Variants in SHLD2 observed in about 807,000 individuals in gnomAD.
The protein encoded by SHLD2 is shieldin complex subunit 2.
SHLD2 carries 30 observed loss-of-function variants against 73.2 expected under a neutral mutation model. The ratio of observed to expected loss-of-function variants is 0.41; its 90% CI spans 0.31 to 0.56. The LOEUF is 0.56. Ranked by LOEUF, SHLD2 falls within the 20% of genes least tolerant of loss-of-function variation. The pLI is 0.28. For synonymous variants in SHLD2, 285 were observed against 370.1 expected (o/e 0.77, Z 2.64); for missense variants, 745 against 1,055.9 (o/e 0.71, Z 4.08).
At chr10:87,190,429 T>C in intron 9 of SHLD2, 55 bp from the exon 10 acceptor site, 3 of 1,368,620 alleles carry the variant, frequency 2.2e-6, no homozygotes, top group East Asian at 2.3e-5. Flanking sequence ...TCAATGTGTG[T>C]GCTCCTGTCA....
chr10:87,117,803 CCAAAAAA>C (rs761609940), intron 2 of SHLD2, among the ~76,000 whole-genome samples: 24 of 151,972 alleles, frequency 1.6e-4, no homozygotes, highest in African/African-American at 5.6e-4. Context: ...TCAAAAAACC[CCAAAAAA>C]CAAAAAACAG....
intron 8 of SHLD2, 77 bp downstream of exon 8, chr10:87,180,380 T>G: frequency 1.3e-6 from 2 of 1,540,432 alleles, no homozygotes; most frequent in Non-Finnish European, 1.8e-6. Flanking sequence ...AAACCCTTAC[T>G]TTCTAAAAAT....
intron 3 of SHLD2, among the ~76,000 whole-genome samples, chr10:87,157,385 TA>T (rs1461298171): frequency 6.6e-6 from 1 of 152,232 alleles, no homozygotes; most frequent in African/African-American, 2.4e-5. Context: ...GCCTTAGAGA[TA>T]GCTCCCTTCC....
rs374939521 is a variant in SHLD2, at chr10:87,133,674, G to A, written c.-5-17676G>A. ...AGGAAGCACGAAGTGTACACAGAACGATATAGCTGGAAAAAGTATATATGT... is the reference window on the plus strand; with the variant it reads ...AGGAAGCACGAAGTGTACACAGAACAATATAGCTGGAAAAAGTATATATGT... On this transcript the variant is annotated intron_variant, in intron 2 of 9. Coordinates refer to ENST00000298786, the MANE Select transcript of SHLD2 (RefSeq NM_001330112.2). Among the ~76,000 whole-genome samples, 7 of 152,328 alleles carry A rather than the reference G, an allele frequency of 4.6e-5. No individual in the cohort carries two copies. In the East Asian group the frequency reaches 7.7e-4, roughly 17 times the overall value.
intron 2 of SHLD2, among the ~76,000 whole-genome samples, chr10:87,149,724 CTAAA>C (rs200276976): frequency 9.3e-5 from 14 of 150,804 alleles, no homozygotes; most frequent in South Asian, 8.5e-4. Flanking sequence ...AACTCTGTCT[CTAAA>C]TAAATAAATA....
chr10:87,189,755 G>A (rs1848912637), intron 9 of SHLD2, among the ~76,000 whole-genome samples: 1 of 151,930 alleles, frequency 6.6e-6, no homozygotes, highest in Non-Finnish European at 1.5e-5. Flanking sequence ...TAGGACAAAT[G>A]CAAAATAAAA....
intron 1 of SHLD2, among the ~76,000 whole-genome samples, chr10:87,096,526 T>A (rs1183488017): frequency 1.3e-5 from 2 of 151,992 alleles, no homozygotes; most frequent in Non-Finnish European, 2.9e-5. Flanking sequence ...AGCAGGCTGA[T>A]CGCTTGAGGC....
intron 7 of SHLD2, 25 bp downstream of exon 7, chr10:87,176,120 C>A: frequency 6.5e-7 from 1 of 1,548,006 alleles, no homozygotes; most frequent in Non-Finnish European, 8.7e-7. Context: ...TACATAAATT[C>A]TGCTATTTTT....
In SHLD2 at chr10:87,170,593, C is replaced by T. The variant is rs772495492; in HGVS notation, c.1749C>T (p.Asp583=). ...PRQPQRVNSI[D]FVELEHLQPD... is the part of the protein sequence containing the mutation. ...AGCCTCAGAGGGTGAACAGTATAGACTTTGTAGAATTGGAGCACCTTCAAC... is the reference window on the plus strand; with the variant it reads ...AGCCTCAGAGGGTGAACAGTATAGATTTTGTAGAATTGGAGCACCTTCAAC... The change falls in exon 5 of 10, where the codon GAC becomes GAT. Residue 583 remains aspartate (D), a synonymous_variant. Transcript: ENST00000298786. The T allele has an allele frequency of 7.4e-6, 12 of 1,613,692 alleles. 1 individual carries two copies. In the South Asian group the frequency reaches 1.2e-4, roughly 16 times the overall value.
chr10:87,169,309 C>T (rs1847421613), intron 4 of SHLD2, among the ~76,000 whole-genome samples: 2 of 152,202 alleles, frequency 1.3e-5, no homozygotes, highest in Non-Finnish European at 2.9e-5. Context: ...GAAAGAAGAA[C>T]TCAGTCTGGT....
intron 2 of SHLD2, among the ~76,000 whole-genome samples, chr10:87,131,373 C>G (rs1247125450): frequency 6.6e-6 from 1 of 152,152 alleles, no homozygotes; most frequent in African/African-American, 2.4e-5. Context: ...TCCCCATTCC[C>G]TCCCTCCCTC....
At chr10:87,102,579 C>A (rs908746938) in intron 2 of SHLD2, among the ~76,000 whole-genome samples, 1 of 148,266 alleles carries the variant, frequency 6.7e-6, no homozygotes, top group Non-Finnish European at 1.5e-5. Context: ...TGCAGTGGTG[C>A]GTGCCTGTAA....
In SHLD2 at chr10:87,191,433, T is replaced by C. The variant is rs1417358237; in HGVS notation, c.*750T>C. 1 of 152,362 alleles carries C rather than the reference T, an allele frequency of 6.6e-6. No homozygotes were observed. Among genetic ancestry groups the C allele is most frequent in the Non-Finnish European group, 1.5e-5 (1 of 68,148 alleles). 9.4% of individuals were successfully genotyped at this position (152,362 alleles called of 1,614,324 possible). ...TATGCTGAGTGTTAATAGATTATCA[T>C]ATTGCCTGAAAATAAATTCATGATG... On this transcript the variant is annotated 3_prime_UTR_variant, in exon 10 of 10. Coordinates refer to ENST00000298786, the MANE Select transcript of SHLD2 (RefSeq NM_001330112.2).
chr10:87,111,545 G>A (rs1266256325), intron 2 of SHLD2, among the ~76,000 whole-genome samples: 1 of 150,962 alleles, frequency 6.6e-6, no homozygotes, highest in Non-Finnish European at 1.5e-5. Context: ...AGAGGCTGAG[G>A]CACGAGAATC....
intron 2 of SHLD2, among the ~76,000 whole-genome samples, chr10:87,107,832 G>A (rs892180607): frequency 1.3e-5 from 2 of 151,848 alleles, no homozygotes; most frequent in African/African-American, 4.9e-5. Flanking sequence ...ATACAAAGAT[G>A]TAATTTTCTT....
In SHLD2 at chr10:87,120,341, A is replaced by G. The variant is rs1843529123; in HGVS notation, c.-6+23352A>G. Among the ~76,000 whole-genome samples the G allele has an allele frequency of 2.0e-5, 3 of 151,714 alleles. No homozygotes were observed. The South Asian group carries it at 6.2e-4, about 32-fold the overall frequency. ...CGGCTCACTGCAAGCTCCGCCTCCCAGGTTCATGCCATTCTCCTGCCTCAG... is the reference window on the plus strand; with the variant it reads ...CGGCTCACTGCAAGCTCCGCCTCCCGGGTTCATGCCATTCTCCTGCCTCAG... On this transcript the variant is annotated intron_variant, in intron 2 of 9. Coordinates refer to ENST00000298786, the MANE Select transcript of SHLD2 (RefSeq NM_001330112.2).
At chr10:87,186,954 C>A in intron 8 of SHLD2, 131 bp from the exon 9 acceptor site, 1 of 598,992 alleles carries the variant, frequency 1.7e-6, no homozygotes, top group South Asian at 2.3e-5. Flanking sequence ...CACAGAACAT[C>A]CTAGAGTTGT....
At chr10:87,179,335 A>C (rs1395462991) in intron 7 of SHLD2, among the ~76,000 whole-genome samples, 1 of 152,172 alleles carries the variant, frequency 6.6e-6, no homozygotes, top group Non-Finnish European at 1.5e-5. Flanking sequence ...AGTTGGAAAA[A>C]AGTTTAAAAG....
intron 2 of SHLD2, among the ~76,000 whole-genome samples, chr10:87,127,691 C>G (rs1844136768): frequency 6.6e-6 from 1 of 151,286 alleles, no homozygotes; most frequent in African/African-American, 2.4e-5. Flanking sequence ...GAAAAAGGAT[C>G]TCAGTTATTA....
Sources: allele counts gnomAD v4.1 joint callset (sites outside exome capture counted in the v4.1 genomes callset), GRCh38; gene constraint gnomAD v4.1.1; transcripts MANE v1.5; gene names NCBI Gene and HGNC (gene_info 2026-07-23, HGNC 2026-07-21).